The following DOCK5 variants were observed in gnomAD, a reference collection of about 807,000 sequenced individuals.
The protein encoded by DOCK5 is dedicator of cytokinesis protein 5.
A neutral mutation model predicts 251.8 loss-of-function variants in DOCK5; 142 were observed. The ratio of observed to expected loss-of-function variants is 0.56; its 90% CI spans 0.49 to 0.65. The LOEUF is 0.65. DOCK5 is among the 30% of genes least tolerant of loss of function. The pLI, the probability that DOCK5 is intolerant of heterozygous loss-of-function variation, is 0.00. For missense variants in DOCK5, 2,111 were observed against 2,312.3 expected (o/e 0.91, Z 1.79); for synonymous variants, 842 against 835.5 (o/e 1.01, Z -0.13).
At chr8:25,381,011 C>T (rs34941836) in intron 39 of DOCK5, among the ~76,000 whole-genome samples, 14,603 of 151,542 alleles carry the variant, frequency 0.096, 1,037 homozygotes, top group African/African-American at 0.2. Context: ...TAGGCAGACA[C>T]CATTCTGAAT....
At position 25,280,769 on chromosome 8, in the gene DOCK5, C is replaced by T. The variant is rs560399269; in HGVS notation, c.321+2104C>T. 4.5e-4 allele frequency among the ~76,000 whole-genome samples: 69 copies of T among 152,256 alleles called. 1 individual carries two copies. The highest frequency in any genetic ancestry group is 1.7e-3 in the African/African-American group (69 of 41,558). On this transcript the variant is annotated intron_variant, in intron 5 of 51. Coordinates refer to ENST00000276440, the MANE Select transcript of DOCK5 (RefSeq NM_024940.8). ...AATCACAAGGAGGATGGAGACACTG[C>T]TGTCAGCCCCGTGGCCTTCATTGAT...
At chr8:25,398,434 A>T (rs556899217) in intron 45 of DOCK5, among the ~76,000 whole-genome samples, 13 of 152,240 alleles carry the variant, frequency 8.5e-5, no homozygotes, top group Admixed American at 7.2e-4. Context: ...TCTCTGTTGT[A>T]TTAGTTTGCT....
intron 2 of DOCK5, 36 bp from the exon 3 acceptor site, chr8:25,268,809 A>G (rs1262225599): frequency 1.3e-6 from 2 of 1,541,402 alleles, no homozygotes; most frequent in Non-Finnish European, 1.8e-6. Context: ...ATCCCAGAAA[A>G]CATAAAATAT....
At chr8:25,405,289 T>C (rs1801504284) in intron 48 of DOCK5, among the ~76,000 whole-genome samples, 1 of 152,024 alleles carries the variant, frequency 6.6e-6, no homozygotes. Flanking sequence ...TCATTGACTT[T>C]TAGGGTTTCA....
chr8:25,302,587 G>T lies in DOCK5; in HGVS notation c.976+133G>T. 7 of 1,232,036 alleles carry T rather than the reference G, an allele frequency of 5.7e-6. No homozygotes were observed. In the South Asian group the frequency reaches 1.2e-4, roughly 21 times the overall value. The allele number at this position is 1,232,036 out of a possible 1,614,324, so 76.3% of individuals were successfully genotyped here. A position where few individuals can be genotyped will look rare whatever the true frequency, so the allele number is the denominator to read the frequency against. ...CTGCTTCAAAACAATCAAAAGCAAG[G>T]TCTGGAGGAGATATTTGTGCATCCA... On this transcript the variant is annotated intron_variant, in intron 10 of 51. Transcript: ENST00000276440.
chr8:25,246,704 TTGTGTGTGTG>T (rs55963570), intron 2 of DOCK5, among the ~76,000 whole-genome samples: 4,083 of 89,538 alleles, frequency 0.046, 178 homozygotes, highest in African/African-American at 0.095. Flanking sequence ...CCATGTTAGT[TTGTGTGTGTG>T]TGTGTGTGTG....
Position 25,401,048 on chromosome 8 carries a change from CT to C in DOCK5, c.4909del (p.Tyr1637MetfsTer4), listed in dbSNP as rs1563231843. On this transcript the variant is annotated frameshift_variant, in exon 47 of 52. Coordinates refer to ENST00000276440, the MANE Select transcript of DOCK5 (RefSeq NM_024940.8). LOFTEE classifies it high-confidence loss of function. ...AACTCAAGGAGAAAGTAGAAAAGCACTATGGGGTTATAACACTGGTAAGCAT... is the reference window on the plus strand; with the variant it reads ...AACTCAAGGAGAAAGTAGAAAAGCACATGGGGTTATAACACTGGTAAGCAT... ...RELKEKVEKH[Y>X]GVITLPPNLT... 1 of 1,614,018 alleles carries C rather than the reference CT, an allele frequency of 6.2e-7. No homozygotes were observed. The highest frequency in any genetic ancestry group is 1.1e-5 in the South Asian group (1 of 91,082).
intron 38 of DOCK5, among the ~76,000 whole-genome samples, chr8:25,377,971 G>C (rs953496279): frequency 3.3e-5 from 5 of 150,646 alleles, no homozygotes; most frequent in African/African-American, 1.2e-4. Context: ...CTAGAACCTA[G>C]AACTCCTGGG....
chr8:25,395,288 A>G (rs1506865), intron 44 of DOCK5, among the ~76,000 whole-genome samples: 9,482 of 152,210 alleles, frequency 0.062, 363 homozygotes, highest in South Asian at 0.1. Flanking sequence ...GAGAGTGGCT[A>G]TAAATACAGA....
chr8:25,408,199 C>G (rs1341713067), intron 49 of DOCK5, 45 bp downstream of exon 49: 1 of 1,529,532 alleles, frequency 6.5e-7, no homozygotes, highest in East Asian at 2.4e-5. Flanking sequence ...AGGCTTGCCC[C>G]CCTCTCCCCT....
At chr8:25,328,807 G>T (rs1160790396) in intron 18 of DOCK5, among the ~76,000 whole-genome samples, 2 of 152,208 alleles carry the variant, frequency 1.3e-5, no homozygotes, top group East Asian at 1.9e-4. Context: ...AGAGGAATGT[G>T]CAGGTCCCCA....
intron 46 of DOCK5, 148 bp from the exon 47 acceptor site, chr8:25,400,781 C>T: frequency 2.4e-6 from 2 of 819,188 alleles, no homozygotes; most frequent in Non-Finnish European, 3.9e-6. Context: ...ATCCAGTCCA[C>T]AAGTCCTACA....
intron 2 of DOCK5, among the ~76,000 whole-genome samples, chr8:25,250,900 C>A (rs909405138): frequency 3.3e-5 from 5 of 152,182 alleles, no homozygotes; most frequent in African/African-American, 1.2e-4. Context: ...CAAGATATTG[C>A]AGCTGTCTTT....
At chr8:25,308,114 G>T (rs1362192713) in intron 11 of DOCK5, among the ~76,000 whole-genome samples, 1 of 152,138 alleles carries the variant, frequency 6.6e-6, no homozygotes, top group African/African-American at 2.4e-5. Flanking sequence ...CCGATGTGCA[G>T]TTGCTTATAG....
chr8:25,233,271 A>T (rs140920465), intron 1 of DOCK5, among the ~76,000 whole-genome samples: 1 of 152,292 alleles, frequency 6.6e-6, no homozygotes, highest in African/African-American at 2.4e-5. Flanking sequence ...CCAACGTGTC[A>T]TGTACATTTT....
intron 1 of DOCK5, among the ~76,000 whole-genome samples, chr8:25,234,852 A>G (rs960720373): frequency 2.0e-5 from 3 of 152,184 alleles, no homozygotes; most frequent in African/African-American, 4.8e-5. Flanking sequence ...TTGTCCATCA[A>G]CCATTGCCTT....
At position 25,355,926 on chromosome 8, in the gene DOCK5, C is replaced by T. The variant is rs777949856; in HGVS notation, c.2851-3037C>T. Among the ~76,000 whole-genome samples the T allele has an allele frequency of 5.9e-5, 9 of 151,858 alleles. No individual in the cohort carries two copies. In the South Asian group the frequency reaches 1.0e-3, roughly 18 times the overall value. Reference sequence around the variant, plus strand: ...ATAATAATGGGGCCTGGCATGGTGGCTCACGCCTGTAATCCCTGCACTTTG... The same window carrying T: ...ATAATAATGGGGCCTGGCATGGTGGTTCACGCCTGTAATCCCTGCACTTTG... On this transcript the variant is annotated intron_variant, in intron 27 of 51. Transcript: ENST00000276440.
At chr8:25,409,859 T>TA (rs1240638268) in intron 50 of DOCK5, 16 of 380,404 alleles carry the variant, frequency 4.2e-5, no homozygotes, top group Non-Finnish European at 5.7e-5. Flanking sequence ...AAAACAAAAA[T>TA]AAAAAAAATA....
chr8:25,210,036 A>AATG (rs1395890876), intron 1 of DOCK5, among the ~76,000 whole-genome samples: 2 of 31,664 alleles, frequency 6.3e-5, no homozygotes, highest in African/African-American at 1.4e-4. Flanking sequence ...ATATATATAA[A>AATG]TGTGTGTGTG....
Sources: allele counts gnomAD v4.1 joint callset (sites outside exome capture counted in the v4.1 genomes callset), GRCh38; gene constraint gnomAD v4.1.1; transcripts MANE v1.5; gene names NCBI Gene and HGNC (gene_info 2026-07-23, HGNC 2026-07-21).